The following CORO2B variants were observed in gnomAD, a reference collection of about 807,000 sequenced individuals.
CORO2B encodes the protein coronin 2B, also known as coronin-2B.
A neutral mutation model predicts 58.8 loss-of-function variants in CORO2B; 26 were observed. The ratio of observed to expected loss-of-function variants is 0.44; its 90% confidence interval spans 0.32 to 0.61. The LOEUF (loss-of-function observed/expected upper bound fraction) is 0.61. CORO2B is among the 20% of genes least tolerant of loss of function. CORO2B has a pLI of 0.04. For synonymous variants in CORO2B, 242 were observed against 253.8 expected (o/e 0.95, Z 0.44); for missense variants, 460 against 645.1 (o/e 0.71, Z 3.11).
Position 68,719,180 on chromosome 15 carries a change from C to A in CORO2B, c.1117C>A (p.Pro373Thr). The change falls in exon 10 of 12, where the codon CCA becomes ACA. Residue 373 changes from proline (P) to threonine (T), a missense_variant. By Grantham distance (38) the Pro-to-Thr change is conservative. Around this residue, in one of 2 missense-constraint regions of CORO2B, gnomAD observed 352 missense variants for 543.0 expected, o/e 0.65. Transcript: ENST00000261861. ...SYQEDIYPMT[P>T]GTEPALTPDE... is the part of the protein sequence containing the mutation. ...CCAGGAAGACATTTACCCAATGACA[C>A]CAGGCACGGAGCCAGCACTGACCCC... 6.2e-7 allele frequency: 1 copy of A among 1,614,142 alleles called. No homozygotes were observed. Among genetic ancestry groups the A allele is most frequent in the Non-Finnish European group, 8.5e-7 (1 of 1,180,012 alleles).
rs747293244 is a variant in CORO2B at position 68,710,685 on chromosome 15, C to T, written c.334-47C>T. The T allele has an allele frequency of 1.3e-5, 20 of 1,514,764 alleles. No individual in the cohort carries two copies. The highest frequency in any genetic ancestry group is 1.9e-4 in the Middle Eastern group (1 of 5,314). The allele number at this position is 1,514,764 out of a possible 1,614,324, so 93.8% of individuals were successfully genotyped here. ...GAAAGGGGCACCTCTCATCAAGGGACTTCTTGGCCGTGTCCACCCAGCCTG... is the reference window on the plus strand; with the variant it reads ...GAAAGGGGCACCTCTCATCAAGGGATTTCTTGGCCGTGTCCACCCAGCCTG... On this transcript the variant is annotated intron_variant, in intron 3 of 11. Transcript: ENST00000261861. The surrounding 1 kb of genome is among the most constrained non-coding windows in gnomAD (Gnocchi z 4.1).
chr15:68,641,928 T>C (rs1901258382), intron 1 of CORO2B, among the ~76,000 whole-genome samples: 1 of 152,040 alleles, frequency 6.6e-6, no homozygotes, highest in Non-Finnish European at 1.5e-5. Flanking sequence ...GGTTCTGCCA[T>C]GTTGCTCAGG....
At chr15:68,663,891 T>A (rs969659212) in intron 2 of CORO2B, among the ~76,000 whole-genome samples, 6 of 152,242 alleles carry the variant, frequency 3.9e-5, no homozygotes, top group Non-Finnish European at 5.9e-5. Flanking sequence ...TTGCATTTAT[T>A]TTTGTGTGAA....
At chr15:68,633,539 A>T (rs1306930267) in intron 1 of CORO2B, among the ~76,000 whole-genome samples, 1 of 151,828 alleles carries the variant, frequency 6.6e-6, no homozygotes, top group African/African-American at 2.4e-5. Context: ...ACACACACAC[A>T]CACACACTCA....
intron 1 of CORO2B, among the ~76,000 whole-genome samples, chr15:68,611,357 A>G (rs1595967157): frequency 1.3e-5 from 2 of 152,344 alleles, no homozygotes; most frequent in Middle Eastern, 6.8e-3. Context: ...CTCCCAAGGT[A>G]CCACCCTTTG....
the CORO2B span, among the ~76,000 whole-genome samples, chr15:68,553,200 T>TG: frequency 6.6e-6 from 1 of 151,962 alleles, no homozygotes; most frequent in Non-Finnish European, 1.5e-5. Flanking sequence ...GAAAGAGGGG[T>TG]GGTCGGCTGA....
chr15:68,719,294 C>T, intron 10 of CORO2B, 60 bp downstream of exon 10: 1 of 1,598,420 alleles, frequency 6.3e-7, no homozygotes, highest in African/African-American at 1.3e-5. Flanking sequence ...TTCAGCGCAG[C>T]TCACCCCAGT....
intron 1 of CORO2B, among the ~76,000 whole-genome samples, chr15:68,596,019 G>A (rs1160446956): frequency 6.6e-6 from 1 of 152,072 alleles, no homozygotes; most frequent in South Asian, 2.1e-4. Context: ...GAGTGTGGAG[G>A]GTCGGGGGCT....
At chr15:68,524,802 T>G in the CORO2B span, among the ~76,000 whole-genome samples, 1 of 152,188 alleles carries the variant, frequency 6.6e-6, no homozygotes, top group African/African-American at 2.4e-5. Flanking sequence ...CGGGACTCAC[T>G]AAAGGTCTAA....
At chr15:68,606,577 G>C (rs1900130542) in intron 1 of CORO2B, among the ~76,000 whole-genome samples, 1 of 152,190 alleles carries the variant, frequency 6.6e-6, no homozygotes, top group Non-Finnish European at 1.5e-5. Flanking sequence ...CCAAATTCTG[G>C]CACATGGCCT....
chr15:68,530,216 G>A, the CORO2B span, among the ~76,000 whole-genome samples: 20 of 152,186 alleles, frequency 1.3e-4, no homozygotes, highest in South Asian at 3.5e-3. Context: ...TCCCAGCTAC[G>A]CGGGAGGCTG....
chr15:68,647,900 G>C lies in CORO2B; in HGVS notation c.216+2540G>C, dbSNP rs547693254. On this transcript the variant is annotated intron_variant, in intron 2 of 11. Transcript: ENST00000261861. The stretch of plus-strand genomic sequence containing the variant: ...AAAAATTAGCCGAGCATGATGGCTT[G>C]CCCTGAAGTCCCAGCTACTTGGGAG... Among the ~76,000 whole-genome samples, 52 of 150,610 alleles carry C rather than the reference G, an allele frequency of 3.5e-4. No individual in the cohort carries two copies. In the South Asian group the frequency reaches 0.011, roughly 31 times the overall value.
At chr15:68,528,360 GT>G in the CORO2B span, among the ~76,000 whole-genome samples, 4 of 152,024 alleles carry the variant, frequency 2.6e-5, no homozygotes, top group Admixed American at 2.0e-4. Flanking sequence ...TTACCACTGA[GT>G]TTTTTCAAGT....
At chr15:68,585,096 A>C (rs1994714) in intron 1 of CORO2B, among the ~76,000 whole-genome samples, 5 of 152,016 alleles carry the variant, frequency 3.3e-5, no homozygotes, top group African/African-American at 1.2e-4. Flanking sequence ...TTAATGTAGC[A>C]ATGGGAGGCT....
upstream of CORO2B, among the ~76,000 whole-genome samples, chr15:68,577,483 G>C (rs1413036478): frequency 1.3e-5 from 2 of 152,120 alleles, no homozygotes; most frequent in African/African-American, 4.8e-5. Flanking sequence ...CAGCACTTTG[G>C]GAGGCCGAGG....
chr15:68,672,306 G>A (rs1227585855), intron 2 of CORO2B, among the ~76,000 whole-genome samples: 1 of 152,066 alleles, frequency 6.6e-6, no homozygotes, highest in Non-Finnish European at 1.5e-5. Context: ...TACAATCATA[G>A]CTCACTGCAG....
chr15:68,666,581 G>A (rs1189118454), intron 2 of CORO2B, among the ~76,000 whole-genome samples: 3 of 152,158 alleles, frequency 2.0e-5, no homozygotes, highest in Non-Finnish European at 4.4e-5. Flanking sequence ...CCCAGACAAA[G>A]AAAGAGAAGT....
At chr15:68,655,633 G>T (rs1417841172) in intron 2 of CORO2B, among the ~76,000 whole-genome samples, 1 of 152,180 alleles carries the variant, frequency 6.6e-6, no homozygotes, top group Non-Finnish European at 1.5e-5. Context: ...AGGTGTCGAT[G>T]ATAACAATGG....
chr15:68,583,525 TC>T (rs1482406330), intron 1 of CORO2B, among the ~76,000 whole-genome samples: 2 of 152,172 alleles, frequency 1.3e-5, no homozygotes, highest in Non-Finnish European at 2.9e-5. Flanking sequence ...CCCCTTCCTG[TC>T]CTGCTGGTGC....
Sources: gnomAD v4.1 joint callset for allele counts (sites outside exome capture counted in the v4.1 genomes callset) on GRCh38, gnomAD v4.1.1 for gene constraint, gnomAD v4.1.1 regional missense constraint, Gnocchi (gnomAD v3.1) non-coding constraint, MANE v1.5 for transcripts, NCBI Gene and HGNC (gene_info 2026-07-23, HGNC 2026-07-21) for gene names.